The following TMEM132D variants were observed in gnomAD, a reference collection of about 807,000 sequenced individuals.
TMEM132D encodes the protein mature OL transmembrane protein.
A neutral mutation model predicts 62.3 loss-of-function variants in TMEM132D; 21 were observed. The observed-to-expected ratio is 0.34, with a 90% CI of 0.24 to 0.49. TMEM132D has a LOEUF of 0.49. Among genes scored for constraint, TMEM132D ranks in the 20% least tolerant of loss-of-function variants. TMEM132D has a pLI of 0.99. For missense variants in TMEM132D, 1,346 were observed against 1,402.8 expected (o/e 0.96, Z 0.65); for synonymous variants, 621 against 575.6 (o/e 1.08, Z -1.13).
At chr12:129,866,589 T>C (rs2137373127) in intron 1 of TMEM132D, among the ~76,000 whole-genome samples, 1 of 150,232 alleles carries the variant, frequency 6.7e-6, no homozygotes, top group African/African-American at 2.5e-5. Context: ...ACTTAAAGTA[T>C]AATAAAAATA....
chr12:129,262,132 C>CTTGTGTTCTAT (rs1166546228), intron 4 of TMEM132D, among the ~76,000 whole-genome samples: 1 of 152,004 alleles, frequency 6.6e-6, no homozygotes, highest in South Asian at 2.1e-4. Flanking sequence ...GTGATGGTTT[C>CTTGTGTTCTAT]TTGTGTTCTA....
intron 3 of TMEM132D, among the ~76,000 whole-genome samples, chr12:129,471,163 C>T (rs990291450): frequency 6.6e-6 from 1 of 151,512 alleles, no homozygotes. Flanking sequence ...AGGAAAAGCA[C>T]CTCTTATTTT....
chr12:129,398,106 G>A (rs1871486553), intron 3 of TMEM132D, among the ~76,000 whole-genome samples: 1 of 152,186 alleles, frequency 6.6e-6, no homozygotes, highest in East Asian at 1.9e-4. Context: ...CAGGAGACAC[G>A]TTTGTGGGCA....
chr12:129,808,768 G>A (rs1041332819), intron 1 of TMEM132D, among the ~76,000 whole-genome samples: 1 of 151,482 alleles, frequency 6.6e-6, no homozygotes, highest in Non-Finnish European at 1.5e-5. Flanking sequence ...CGGGAAGGAA[G>A]GAAGCCATAG....
At chr12:129,745,139 T>C (rs774943535) in intron 1 of TMEM132D, among the ~76,000 whole-genome samples, 1 of 152,198 alleles carries the variant, frequency 6.6e-6, no homozygotes, top group Non-Finnish European at 1.5e-5. Context: ...TGTGGAACTG[T>C]GAGTCAATTA....
chr12:129,703,042 C>T (rs1273875794), intron 1 of TMEM132D, among the ~76,000 whole-genome samples: 2 of 152,218 alleles, frequency 1.3e-5, no homozygotes, highest in Admixed American at 6.5e-5. Context: ...ACAGTGTCCC[C>T]TATTGTTAAA....
intron 1 of TMEM132D, among the ~76,000 whole-genome samples, chr12:129,713,693 C>T (rs1288387791): frequency 6.6e-6 from 1 of 152,146 alleles, no homozygotes; most frequent in Non-Finnish European, 1.5e-5. Context: ...TGTGAGATTG[C>T]AAAGAAACAA....
At chr12:129,113,304 T>A (rs912087189) in intron 5 of TMEM132D, 1 of 152,232 alleles carries the variant, frequency 6.6e-6, no homozygotes, top group East Asian at 1.9e-4. Flanking sequence ...CAATACTCAA[T>A]GTCTCAGTGA....
At chr12:129,495,376 T>C (rs2137063065) in intron 3 of TMEM132D, among the ~76,000 whole-genome samples, 1 of 152,304 alleles carries the variant, frequency 6.6e-6, no homozygotes, top group East Asian at 1.9e-4. Flanking sequence ...TCCACAGTGA[T>C]GTCACTCAGA....
intron 1 of TMEM132D, among the ~76,000 whole-genome samples, chr12:129,777,334 C>T (rs1022159735): frequency 2.0e-5 from 3 of 152,196 alleles, no homozygotes; most frequent in African/African-American, 7.2e-5. Flanking sequence ...TATGTGATAT[C>T]ACCTAGAATT....
rs10609616 is a variant in TMEM132D at position 129,257,204 on chromosome 12, CTT to C, written c.1300-47543_1300-47542del. Among the ~76,000 whole-genome samples, 1,163 of 122,600 alleles carry C rather than the reference CTT, an allele frequency of 9.5e-3. 26 individuals carry two copies. The highest frequency in any genetic ancestry group is 0.057 in the East Asian group (246 of 4,310). The allele number at this position is 122,600 out of a possible 152,430, so 80.4% of individuals were successfully genotyped here. On this transcript the variant is annotated intron_variant, in intron 4 of 8. Transcript: ENST00000422113. ...GCATCCAGGCATCCCCTGTTTCTTT[CTT>C]TTTTTTTTTTTTTTTTTTGAGATAG...
intron 3 of TMEM132D, among the ~76,000 whole-genome samples, chr12:129,431,058 T>C (rs1872641302): frequency 6.6e-6 from 1 of 152,224 alleles, no homozygotes; most frequent in Admixed American, 6.5e-5. Flanking sequence ...TTGTGTTCTC[T>C]GTCTTGGGCA....
intron 1 of TMEM132D, among the ~76,000 whole-genome samples, chr12:129,776,891 A>G (rs2137287434): frequency 6.6e-6 from 1 of 152,074 alleles, no homozygotes; most frequent in South Asian, 2.1e-4. Context: ...GCTGTTTTTA[A>G]TCGATATCTA....
intron 2 of TMEM132D, among the ~76,000 whole-genome samples, chr12:129,551,619 C>T (rs1269972319): frequency 1.3e-5 from 2 of 152,140 alleles, no homozygotes; most frequent in South Asian, 2.1e-4. Flanking sequence ...GTTGGGGCTG[C>T]CACCTTTAAA....
chr12:129,360,131 C>T (rs1258782869), intron 3 of TMEM132D, among the ~76,000 whole-genome samples: 1 of 152,180 alleles, frequency 6.6e-6, no homozygotes, highest in Non-Finnish European at 1.5e-5. Context: ...CTGCAGGACA[C>T]CTGTCAACCC....
intron 4 of TMEM132D, among the ~76,000 whole-genome samples, chr12:129,217,204 T>C (rs994618602): frequency 6.6e-6 from 1 of 152,160 alleles, no homozygotes; most frequent in Non-Finnish European, 1.5e-5. Context: ...CTATACACCA[T>C]GGAATACTAT....
intron 1 of TMEM132D, among the ~76,000 whole-genome samples, chr12:129,841,711 T>A (rs756417400): frequency 6.6e-6 from 1 of 152,194 alleles, no homozygotes; most frequent in Non-Finnish European, 1.5e-5. Flanking sequence ...GGTGAATGCG[T>A]CACTGCTAAA....
At chr12:129,530,609 T>A (rs1876188797) in intron 3 of TMEM132D, among the ~76,000 whole-genome samples, 2 of 152,198 alleles carry the variant, frequency 1.3e-5, no homozygotes, top group South Asian at 4.1e-4. Flanking sequence ...TGCCTGCCCG[T>A]GAATACAATC....
chr12:129,304,478 C>G (rs1452351234), intron 4 of TMEM132D, among the ~76,000 whole-genome samples: 9 of 152,072 alleles, frequency 5.9e-5, no homozygotes, highest in African/African-American at 2.2e-4. Context: ...TGAACAATCC[C>G]ATATCCTACA....
Sources: gnomAD v4.1 joint callset for allele counts (sites outside exome capture counted in the v4.1 genomes callset) on GRCh38, gnomAD v4.1.1 for gene constraint, MANE v1.5 for transcripts, NCBI Gene and HGNC (gene_info 2026-07-23, HGNC 2026-07-21) for gene names.